The following TDRP variants were observed in gnomAD, a reference collection of about 807,000 sequenced individuals.
TDRP encodes testis development-related protein.
Under a neutral mutation model 10.5 loss-of-function variants are expected in TDRP, and 12 were observed. That is an observed-to-expected ratio of 1.15 (90% CI 0.73 to 1.86). The LOEUF (loss-of-function observed/expected upper bound fraction) is 1.86. TDRP is among the 40% of genes most tolerant of loss of function. The probability of loss-of-function intolerance (pLI) is 0.00; values close to 1 mark genes in which losing one functional copy is unlikely to be tolerated. For missense variants in TDRP, 353 were observed against 229.2 expected (o/e 1.54, Z -3.49); for synonymous variants, 139 against 95.4 (o/e 1.46, Z -2.67).
At chr8:512,295 T>C (rs1801640983) in intron 1 of TDRP, among the ~76,000 whole-genome samples, 1 of 151,534 alleles carries the variant, frequency 6.6e-6, no homozygotes. Flanking sequence ...TGACTGGGCA[T>C]GGTGGCACAC....
intron 1 of TDRP, among the ~76,000 whole-genome samples, chr8:516,636 A>G (rs1242507691): frequency 6.6e-6 from 1 of 152,194 alleles, no homozygotes; most frequent in Non-Finnish European, 1.5e-5. Flanking sequence ...GAGCAGCAGG[A>G]ACTCTCGTTC....
chr8:507,337 C>A (rs1444975282), intron 1 of TDRP, among the ~76,000 whole-genome samples: 2 of 152,104 alleles, frequency 1.3e-5, no homozygotes, highest in Non-Finnish European at 2.9e-5. Context: ...AGGCTGCTGG[C>A]TTTCAGGGAA....
rs565083712 is a variant in TDRP, at chr8:517,009, C to G, written c.109-22412G>C. ...AACTAAAATTCTAAGCCTCCTGATG[C>G]ACTGAATGGACTCTGCTCTTGGAGG... On this transcript the variant is annotated intron_variant, in intron 1 of 2. Coordinates refer to ENST00000324079, the MANE Select transcript of TDRP (RefSeq NM_001384899.1). Among the ~76,000 whole-genome samples the G allele has an allele frequency of 2.6e-5, 4 of 152,274 alleles. No homozygotes were observed. The South Asian group carries it at 6.2e-4, about 24-fold the overall frequency.
chr8:500,382 G>A (rs996061420), intron 1 of TDRP, among the ~76,000 whole-genome samples: 7 of 152,130 alleles, frequency 4.6e-5, no homozygotes, highest in East Asian at 3.9e-4. Flanking sequence ...AAACCTCATC[G>A]GCAGGCCCCA....
Position 520,061 on chromosome 8 carries a change from A to C in TDRP, c.108+24589T>G, listed in dbSNP as rs538210102. ...AGAAGCTGTATTTCAAAATGAAAGG[A>C]AACACATAGGCAGTTTTGTTTCAAA... On this transcript the variant is annotated intron_variant, in intron 1 of 2. Transcript: ENST00000324079. Among the ~76,000 whole-genome samples the C allele has an allele frequency of 1.6e-4, 24 of 152,366 alleles. No homozygotes were observed. The South Asian group carries it at 5.0e-3, about 32-fold the overall frequency.
Position 492,570 on chromosome 8 carries a change from GC to G in TDRP, c.386del (p.Gly129AlafsTer39). On this transcript the variant is annotated frameshift_variant, in exon 3 of 3. Transcript: ENST00000324079. LOFTEE classifies it low-confidence loss of function (END_TRUNC). Reference sequence around the variant, plus strand: ...CCTCCCAGCCTGACCAGGATGGGTGGCCACCCACGGTGTCCTCAGGGTCAGC... The same window carrying G: ...CCTCCCAGCCTGACCAGGATGGGTGGCACCCACGGTGTCCTCAGGGTCAGC... Reference protein sequence around the residue: ...ISADPEDTVGGHPSWSGWEDD... With the variant: ...ISADPEDTVGXHPSWSGWEDD... 1 of 1,613,310 alleles carries G rather than the reference GC, an allele frequency of 6.2e-7. No homozygotes were observed. Among genetic ancestry groups the G allele is most frequent in the Non-Finnish European group, 8.5e-7 (1 of 1,179,496 alleles).
rs1368753510 is a variant in TDRP at position 508,129 on chromosome 8, G to A, written c.109-13532C>T. ...ATAAAGATGTAAAGGAAGGTACGAC[G>A]GCAATGTTGCATCAAAGAGAGAATG... is the stretch of plus-strand genomic sequence containing the variant. On this transcript the variant is annotated intron_variant, in intron 1 of 2. Coordinates refer to ENST00000324079, the MANE Select transcript of TDRP (RefSeq NM_001384899.1). Among the ~76,000 whole-genome samples, 10 of 152,054 alleles carry A rather than the reference G, an allele frequency of 6.6e-5. 1 individual carries two copies. In the South Asian group the frequency reaches 8.3e-4, roughly 13 times the overall value.
At chr8:534,282 G>C (rs1385198699) in intron 1 of TDRP, among the ~76,000 whole-genome samples, 3 of 152,192 alleles carry the variant, frequency 2.0e-5, no homozygotes, top group Non-Finnish European at 4.4e-5. Flanking sequence ...GTTGTACAAA[G>C]TTGCCACAGT....
chr8:507,112 G>C (rs1340312513), intron 1 of TDRP, among the ~76,000 whole-genome samples: 2 of 152,130 alleles, frequency 1.3e-5, no homozygotes, highest in African/African-American at 4.8e-5. Context: ...GAGGGAGTAT[G>C]AGCATGCACA....
intron 1 of TDRP, among the ~76,000 whole-genome samples, chr8:519,282 T>C (rs1247522017): frequency 6.6e-6 from 1 of 152,130 alleles, no homozygotes; most frequent in Admixed American, 6.5e-5. Context: ...CTATCTCTCT[T>C]CTGTTGAGCT....
chr8:516,130 C>G (rs959711137), intron 1 of TDRP, among the ~76,000 whole-genome samples: 2 of 152,144 alleles, frequency 1.3e-5, no homozygotes, highest in African/African-American at 4.8e-5. Context: ...CCTCAAAGTA[C>G]TACACTGGTC....
Position 492,347 on chromosome 8 carries a change from G to GTA in TDRP, c.*50_*51dup, listed in dbSNP as rs2116703407. ...GCGGAAAAGACTCAACAACTACATG[G>GTA]TATACTCATAAAAGGCCACCATGTC... On this transcript the variant is annotated 3_prime_UTR_variant, in exon 3 of 3. Transcript: ENST00000324079. The GTA allele has an allele frequency of 2.8e-6, 4 of 1,441,390 alleles. No individual in the cohort carries two copies. The East Asian group carries it at 1.0e-4, about 36-fold the overall frequency. The allele number at this position is 1,441,390 out of a possible 1,614,324, so 89.3% of individuals were successfully genotyped here.
intron 1 of TDRP, among the ~76,000 whole-genome samples, chr8:543,521 G>C (rs751894559): frequency 6.6e-6 from 1 of 151,052 alleles, no homozygotes; most frequent in Admixed American, 6.6e-5. Flanking sequence ...TTCAAGAAGA[G>C]AGCTGTTTAG....
intron 1 of TDRP, among the ~76,000 whole-genome samples, chr8:504,530 G>A (rs1408101059): frequency 6.6e-6 from 1 of 152,150 alleles, no homozygotes; most frequent in Non-Finnish European, 1.5e-5. Context: ...TTTGCAGAAT[G>A]TTCAAAGAGG....
At chr8:511,946 T>C (rs944600965) in intron 1 of TDRP, among the ~76,000 whole-genome samples, 4 of 152,074 alleles carry the variant, frequency 2.6e-5, no homozygotes, top group Admixed American at 6.6e-5. Flanking sequence ...TAGCTGTAAA[T>C]GTCTATAAAG....
chr8:510,220 C>T (rs1464918453), intron 1 of TDRP, among the ~76,000 whole-genome samples: 1 of 152,182 alleles, frequency 6.6e-6, no homozygotes, highest in African/African-American at 2.4e-5. Context: ...ACTCAGTCTC[C>T]AGTTCCTCTC....
Position 494,482 on chromosome 8 carries a change from G to A in TDRP, c.212+12C>T. ...CCTGAAATGATCATTTTCTTACACA[G>A]TTATGACTTACCCTTTGGACTTGGG... On this transcript the variant is annotated intron_variant, in intron 2 of 2. Coordinates refer to ENST00000324079, the MANE Select transcript of TDRP (RefSeq NM_001384899.1). The A allele has an allele frequency of 6.2e-7, 1 of 1,611,048 alleles. No homozygotes were observed.
intron 1 of TDRP, 49 bp downstream of exon 1, chr8:544,601 C>G: frequency 8.4e-7 from 1 of 1,193,650 alleles, no homozygotes; most frequent in Non-Finnish European, 1.0e-6. Context: ...TCGCCCTCCA[C>G]CTGCGCGCCC....
intron 1 of TDRP, among the ~76,000 whole-genome samples, chr8:508,683 C>A (rs1437250679): frequency 6.6e-6 from 1 of 152,104 alleles, no homozygotes; most frequent in Non-Finnish European, 1.5e-5. Context: ...GGACACACAG[C>A]CAAACCGTAT....
Sources: allele counts gnomAD v4.1 joint callset (sites outside exome capture counted in the v4.1 genomes callset), GRCh38; gene constraint gnomAD v4.1.1; transcripts MANE v1.5; gene names NCBI Gene and HGNC (gene_info 2026-07-23, HGNC 2026-07-21).